The following LRFN5 variants were observed in gnomAD, a reference collection of about 807,000 sequenced individuals.
LRFN5 encodes leucine rich repeat and fibronectin type III domain containing 5.
A neutral mutation model predicts 45.6 loss-of-function variants in LRFN5; 24 were observed. The observed-to-expected ratio is 0.53, with a 90% CI of 0.38 to 0.74. LRFN5 has a LOEUF of 0.74. LRFN5 is among the 30% of genes least tolerant of loss of function. The pLI, the probability that LRFN5 is intolerant of heterozygous loss-of-function variation, is 0.00. For missense variants in LRFN5, 776 were observed against 861.5 expected (o/e 0.90, Z 1.24); for synonymous variants, 340 against 313.8 (o/e 1.08, Z -0.88).
intron 2 of LRFN5, among the ~76,000 whole-genome samples, chr14:41,773,115 A>C (rs73316907): frequency 5.4e-4 from 82 of 152,298 alleles, no homozygotes; most frequent in African/African-American, 1.8e-3. Flanking sequence ...CATGGCTTAC[A>C]ATGTTATCCA....
At chr14:41,739,277 T>C (rs56072302) in intron 1 of LRFN5, among the ~76,000 whole-genome samples, 25,201 of 151,986 alleles carry the variant, frequency 0.17, 2,189 homozygotes, top group Admixed American at 0.19. Context: ...CTTAGCTATT[T>C]GGGAGGGTGG....
intron 1 of LRFN5, among the ~76,000 whole-genome samples, chr14:41,706,466 C>T (rs1402660664): frequency 6.6e-6 from 1 of 151,616 alleles, no homozygotes; most frequent in East Asian, 1.9e-4. Context: ...ATTTTTTATT[C>T]TTCAATGGAA....
At chr14:41,618,825 A>G (rs1888010956) in intron 1 of LRFN5, among the ~76,000 whole-genome samples, 2 of 152,182 alleles carry the variant, frequency 1.3e-5, no homozygotes, top group South Asian at 2.1e-4. Context: ...TACCATAGCT[A>G]AGCATGATGC....
intron 1 of LRFN5, among the ~76,000 whole-genome samples, chr14:41,647,736 G>C (rs1879885705): frequency 6.6e-6 from 1 of 152,244 alleles, no homozygotes; most frequent in African/African-American, 2.4e-5. Context: ...CTTAACATAA[G>C]AAGAGATGCC....
chr14:41,894,008 T>A, intron 4 of LRFN5: 3 of 984,244 alleles, frequency 3.0e-6, no homozygotes, highest in Non-Finnish European at 3.6e-6. Context: ...TAAATATTTT[T>A]AATTAACATC....
chr14:41,731,282 G>A (rs1273894695), intron 1 of LRFN5: 1 of 151,658 alleles, frequency 6.6e-6, no homozygotes, highest in Non-Finnish European at 1.5e-5. Context: ...TTCACATACA[G>A]TATCTGAAAT....
intron 2 of LRFN5, among the ~76,000 whole-genome samples, chr14:41,874,070 A>G (rs555020539): frequency 6.6e-6 from 1 of 152,332 alleles, no homozygotes; most frequent in East Asian, 1.9e-4. Context: ...GTTGTCATAA[A>G]TCAACGTGAA....
intron 2 of LRFN5, among the ~76,000 whole-genome samples, chr14:41,828,846 T>C (rs1888382783): frequency 1.3e-5 from 2 of 151,966 alleles, no homozygotes; most frequent in East Asian, 1.9e-4. Context: ...TGGACTTTAT[T>C]TTATGACCTC....
At chr14:41,632,495 C>A (rs558601552) in intron 1 of LRFN5, among the ~76,000 whole-genome samples, 2 of 151,962 alleles carry the variant, frequency 1.3e-5, no homozygotes. Context: ...CCCAGCTACT[C>A]GGGAGGCTAA....
rs1414172500 is a variant in LRFN5, at chr14:41,904,232, A to G, written c.*57A>G. 3 of 1,595,004 alleles carry G rather than the reference A, an allele frequency of 1.9e-6. No homozygotes were observed. The highest frequency in any genetic ancestry group is 2.6e-6 in the Non-Finnish European group (3 of 1,166,652). ...AATTTGCCACTGATATTTTTACTGG[A>G]TAAAATTCAAAAATGTTTCAATTCA... On this transcript the variant is annotated 3_prime_UTR_variant, in exon 6 of 6. Coordinates refer to ENST00000298119, the MANE Select transcript of LRFN5 (RefSeq NM_152447.5).
chr14:41,794,048 C>T (rs1887031502), intron 2 of LRFN5, among the ~76,000 whole-genome samples: 1 of 151,964 alleles, frequency 6.6e-6, no homozygotes, highest in Admixed American at 6.6e-5. Context: ...TCATTATTAT[C>T]TTCCTTTATT....
chr14:41,703,445 C>A (rs978961828), intron 1 of LRFN5, among the ~76,000 whole-genome samples: 14 of 151,876 alleles, frequency 9.2e-5, no homozygotes, highest in Non-Finnish European at 2.9e-5. Flanking sequence ...ATTAATTATT[C>A]CATTCTGACT....
intron 1 of LRFN5, among the ~76,000 whole-genome samples, chr14:41,670,615 C>T (rs1195830826): frequency 2.0e-5 from 3 of 151,596 alleles, no homozygotes; most frequent in East Asian, 1.9e-4. Context: ...ACCTTTTGGC[C>T]TCTGAATTTA....
intron 2 of LRFN5, among the ~76,000 whole-genome samples, chr14:41,787,295 C>T (rs1315008922): frequency 6.6e-6 from 1 of 152,076 alleles, no homozygotes. Context: ...CTGATATCTA[C>T]ATCTCTCTGA....
At chr14:41,871,364 G>A (rs1192831148) in intron 2 of LRFN5, among the ~76,000 whole-genome samples, 1 of 152,260 alleles carries the variant, frequency 6.6e-6, no homozygotes, top group East Asian at 1.9e-4. Flanking sequence ...AAGGCAGGTA[G>A]ATTACCTGAG....
intron 4 of LRFN5, among the ~76,000 whole-genome samples, chr14:41,895,687 T>C (rs1890914642): frequency 6.7e-6 from 1 of 150,272 alleles, no homozygotes; most frequent in African/African-American, 2.4e-5. Flanking sequence ...ACACTCAAAC[T>C]GTGGCCAATT....
chr14:41,836,872 A>G (rs936822633), intron 2 of LRFN5, among the ~76,000 whole-genome samples: 1 of 151,972 alleles, frequency 6.6e-6, no homozygotes, highest in Non-Finnish European at 1.5e-5. Context: ...TGCTTTCCTA[A>G]GGAGTGAGGA....
At chr14:41,764,243 C>T (rs181565893) in intron 1 of LRFN5, among the ~76,000 whole-genome samples, 162 of 152,242 alleles carry the variant, frequency 1.1e-3, no homozygotes, top group Non-Finnish European at 1.9e-3. Flanking sequence ...TGAGAGTCCT[C>T]ATTTTGCTAT....
At chr14:41,898,869 TCTTTTAAAAAAATGA>T in intron 4 of LRFN5, 33 bp from the exon 5 acceptor site, 2 of 1,544,958 alleles carry the variant, frequency 1.3e-6, no homozygotes, top group Non-Finnish European at 1.8e-6. Context: ...TGAATCTATT[TCTTTTAAAAAAATGA>T]ATTGTTTATG....
Sources: gnomAD v4.1 joint callset for allele counts (sites outside exome capture counted in the v4.1 genomes callset) on GRCh38, gnomAD v4.1.1 for gene constraint, MANE v1.5 for transcripts, NCBI Gene and HGNC (gene_info 2026-07-23, HGNC 2026-07-21) for gene names.